SLC25A16: variants seen among roughly 807,000 people sequenced by gnomAD.
SLC25A16 encodes mitochondrial coenzyme A transporter SLC25A16.
SLC25A16 carries 39 observed loss-of-function variants against 41.5 expected under a neutral mutation model. That is an observed-to-expected ratio of 0.94 (90% CI 0.73 to 1.23). The LOEUF (loss-of-function observed/expected upper bound fraction) is 1.23. SLC25A16 is among the 50% of genes most tolerant of loss of function. SLC25A16 has a pLI of 0.00. For synonymous variants in SLC25A16, 146 were observed against 147.8 expected, an observed-to-expected ratio of 0.99 and a Z score of 0.09; for missense variants, 421 against 426.9, an observed-to-expected ratio of 0.99 and a Z score of 0.12.
At position 68,481,830 on chromosome 10, in the gene SLC25A16, C is replaced by T. The variant is rs1330832492; in HGVS notation, c.*1602G>A. ...GTTTCACCATGCTGATCTTAAACTC[C>T]TGACTTCAGGTGATCCACCCAACTC... On this transcript the variant is annotated 3_prime_UTR_variant, in exon 9 of 9. Coordinates refer to ENST00000609923, the MANE Select transcript of SLC25A16 (RefSeq NM_152707.4). 6.6e-6 allele frequency: 1 copy of T among 152,190 alleles called. No individual in the cohort carries two copies. Among genetic ancestry groups the T allele is most frequent in the Non-Finnish European group, 1.5e-5 (1 of 68,066 alleles). 9.4% of individuals were successfully genotyped at this position (152,190 alleles called of 1,614,324 possible).
At position 68,484,508 on chromosome 10, in the gene SLC25A16, C is replaced by T. The variant is rs183145004; in HGVS notation, c.843-920G>A. 3.3e-5 allele frequency among the ~76,000 whole-genome samples: 5 copies of T among 151,546 alleles called. No homozygotes were observed. In the East Asian group the frequency reaches 7.8e-4, roughly 23 times the overall value. On this transcript the variant is annotated intron_variant, in intron 8 of 8. Coordinates refer to ENST00000609923, the MANE Select transcript of SLC25A16 (RefSeq NM_152707.4). ...AGTGGCAATCATAGCTCACAACAGC[C>T]TCCAACTCCTGGGCACAAGCAATCC...
chr10:68,484,959 G>A (rs1370559368), intron 8 of SLC25A16, among the ~76,000 whole-genome samples: 1 of 152,090 alleles, frequency 6.6e-6, no homozygotes, highest in Non-Finnish European at 1.5e-5. Context: ...AAGACGTGCT[G>A]TGAGTGTAAA....
chr10:68,523,008 TTG>T (rs1223542179), intron 1 of SLC25A16, among the ~76,000 whole-genome samples: 1 of 152,080 alleles, frequency 6.6e-6, no homozygotes, highest in Non-Finnish European at 1.5e-5. Flanking sequence ...TGGAAATATT[TTG>T]GAACTACTCT....
intron 1 of SLC25A16, chr10:68,518,078 G>A (rs1234270864): frequency 1.3e-5 from 2 of 152,252 alleles, no homozygotes; most frequent in East Asian, 1.9e-4. Context: ...AGCTATAATT[G>A]TGCGGCTTCG....
intron 7 of SLC25A16, among the ~76,000 whole-genome samples, chr10:68,487,927 C>T (rs746747508): frequency 4.6e-5 from 7 of 152,028 alleles, no homozygotes; most frequent in Non-Finnish European, 1.0e-4. Context: ...AATCTTGGCT[C>T]ACTGCAACCT....
intron 1 of SLC25A16, among the ~76,000 whole-genome samples, chr10:68,524,664 C>A (rs192560036): frequency 6.8e-5 from 10 of 146,574 alleles, no homozygotes; most frequent in Admixed American, 5.6e-4. Flanking sequence ...GCCGAGATTG[C>A]GCCACTGCAC....
intron 3 of SLC25A16, 106 bp from the exon 4 acceptor site, chr10:68,503,801 G>A (rs902916849): frequency 1.3e-5 from 9 of 719,892 alleles, no homozygotes; most frequent in African/African-American, 1.1e-4. Flanking sequence ...TAATAAAAAG[G>A]AAATTAATAA....
At chr10:68,490,603 A>G (rs2052640405) in intron 6 of SLC25A16, among the ~76,000 whole-genome samples, 1 of 151,996 alleles carries the variant, frequency 6.6e-6, no homozygotes, top group African/African-American at 2.4e-5. Context: ...CGGCCTCCCA[A>G]ACTGCTGGGA....
intron 8 of SLC25A16, 157 bp downstream of exon 8, chr10:68,486,987 C>T: frequency 2.7e-6 from 1 of 373,536 alleles, no homozygotes; most frequent in East Asian, 5.0e-5. Context: ...AAAAAAGAAC[C>T]TGATTGCCTG....
Position 68,479,165 on chromosome 10 carries a change from T to C in SLC25A16, c.*4267A>G, listed in dbSNP as rs932586170. 1.3e-5 allele frequency: 2 copies of C among 152,230 alleles called. No homozygotes were observed. Among genetic ancestry groups the C allele is most frequent in the African/African-American group, 4.8e-5 (2 of 41,462 alleles). The allele number at this position is 152,230 out of a possible 1,614,324, so 9.4% of individuals were successfully genotyped here. A position where few individuals can be genotyped will look rare whatever the true frequency, so the allele number is the denominator to read the frequency against. On this transcript the variant is annotated 3_prime_UTR_variant, in exon 9 of 9. Transcript: ENST00000609923. ...AATTGTTTATTTCTTGAACTATTTG[T>C]GCTTCATTTCTGCCTGCTAGAACAT...
At position 68,493,447 on chromosome 10, in the gene SLC25A16, ACC is replaced by A. The variant is rs1401936869; in HGVS notation, c.543_543+1del. On this transcript the variant is annotated splice_donor_variant and coding_sequence_variant, in exon 5 of 9. Coordinates refer to ENST00000609923, the MANE Select transcript of SLC25A16 (RefSeq NM_152707.4). LOFTEE classifies it high-confidence loss of function. Reference sequence around the variant, plus strand: ...TAGATGAGGAAGGTAAATATGAAATACCTTTGCATAAATTGTTTTGAAAGCAT... The same window carrying A: ...TAGATGAGGAAGGTAAATATGAAATATTTGCATAAATTGTTTTGAAAGCAT... 4 of 1,612,186 alleles carry A rather than the reference ACC, an allele frequency of 2.5e-6. No individual in the cohort carries two copies. The Admixed American group carries it at 6.7e-5, about 27-fold the overall frequency.
At chr10:68,509,365 A>T (rs985052909) in intron 2 of SLC25A16, among the ~76,000 whole-genome samples, 28 of 151,850 alleles carry the variant, frequency 1.8e-4, no homozygotes, top group African/African-American at 6.3e-4. Flanking sequence ...TGGGACAAGG[A>T]GAAATTTTTA....
chr10:68,512,720 A>G (rs930880124), intron 2 of SLC25A16, among the ~76,000 whole-genome samples: 7 of 151,878 alleles, frequency 4.6e-5, no homozygotes, highest in African/African-American at 1.7e-4. Context: ...TCTATTTCAA[A>G]GTACAGACTT....
intron 2 of SLC25A16, among the ~76,000 whole-genome samples, chr10:68,508,378 T>G (rs2052993751): frequency 7.4e-6 from 1 of 134,330 alleles, no homozygotes. Context: ...ATACAAAATG[T>G]GGATAGGAGA....
At chr10:68,521,886 C>T (rs532658023) in intron 1 of SLC25A16, among the ~76,000 whole-genome samples, 3 of 151,130 alleles carry the variant, frequency 2.0e-5, no homozygotes, top group East Asian at 2.0e-4. Flanking sequence ...CGTGAGCCAC[C>T]GCGCCCGGCC....
intron 1 of SLC25A16, among the ~76,000 whole-genome samples, chr10:68,524,038 A>AGGCCAGGCGT (rs75886524): frequency 0.18 from 27,588 of 151,578 alleles, 2,880 homozygotes; most frequent in South Asian, 0.33. Flanking sequence ...GATCAAGACC[A>AGGCCAGGCGT]GGTGGCTCAC....
chr10:68,506,523 T>A (rs2052957220), intron 3 of SLC25A16, 62 bp downstream of exon 3: 1 of 1,148,492 alleles, frequency 8.7e-7, no homozygotes, highest in Admixed American at 2.8e-5. Context: ...CCAAAGCAAA[T>A]GCCTGGTCAA....
At chr10:68,517,732 C>T (rs557381206) in intron 1 of SLC25A16, 1 of 152,132 alleles carries the variant, frequency 6.6e-6, no homozygotes, top group South Asian at 2.1e-4. Context: ...ACTTTGGCAG[C>T]TCGGGGCGGG....
chr10:68,490,488 G>A (rs534465220), intron 6 of SLC25A16, among the ~76,000 whole-genome samples: 98 of 151,916 alleles, frequency 6.5e-4, no homozygotes, highest in African/African-American at 2.2e-3. Context: ...GATTACAGGC[G>A]TGCGCCACCA....
Sources: gnomAD v4.1 joint callset for allele counts (sites outside exome capture counted in the v4.1 genomes callset) on GRCh38, gnomAD v4.1.1 for gene constraint, MANE v1.5 for transcripts, NCBI Gene and HGNC (gene_info 2026-07-23, HGNC 2026-07-21) for gene names.